The following ETV6 variants were observed in gnomAD, a reference collection of about 807,000 sequenced individuals.
ETV6 encodes transcription factor ETV6.
A neutral mutation model predicts 51.1 loss-of-function variants in ETV6; 16 were observed. The observed-to-expected ratio is 0.31, with a 90% CI of 0.21 to 0.48. ETV6 has a LOEUF of 0.48. Ranked by LOEUF, ETV6 falls within the 20% of genes least tolerant of loss-of-function variation. ETV6 has a pLI of 0.99. For missense variants in ETV6, 458 were observed against 594.8 expected (o/e 0.77, Z 2.39); for synonymous variants, 240 against 224.1 (o/e 1.07, Z -0.64).
At chr12:11,661,688 T>C (rs1031949974) in intron 1 of ETV6, among the ~76,000 whole-genome samples, 2 of 152,268 alleles carry the variant, frequency 1.3e-5, no homozygotes, top group Admixed American at 1.3e-4. Flanking sequence ...CTGCTGACGC[T>C]GATACTTTCG....
rs990872218 is a variant in ETV6, at chr12:11,839,970, CAA to C, written c.328+668_328+669del. ...AGGCTGTGAACTGCTCAACCGAAAA[CAA>C]AGAGAGGAAGGAGAAGGACGTAGAA... On this transcript the variant is annotated intron_variant, in intron 3 of 7. Transcript: ENST00000396373. Among the ~76,000 whole-genome samples the C allele has an allele frequency of 1.4e-4, 22 of 152,104 alleles. No homozygotes were observed. The East Asian group carries it at 1.5e-3, about 11-fold the overall frequency.
At chr12:11,655,199 C>T (rs79599250) in intron 1 of ETV6, among the ~76,000 whole-genome samples, 2,986 of 151,978 alleles carry the variant, frequency 0.02, 57 homozygotes, top group Middle Eastern at 0.055. Context: ...GATGAAGCCC[C>T]GTAAGGTGTG....
chr12:11,878,370 C>G (rs1017426601), intron 5 of ETV6, among the ~76,000 whole-genome samples: 1 of 152,130 alleles, frequency 6.6e-6, no homozygotes. Context: ...TGTGTAAGGG[C>G]GCACAGTGCT....
chr12:11,716,703 T>C (rs772647666), intron 1 of ETV6: 1 of 152,242 alleles, frequency 6.6e-6, no homozygotes, highest in Non-Finnish European at 1.5e-5. Context: ...ATCACTCTTT[T>C]CCTTTCCAGC....
intron 1 of ETV6, among the ~76,000 whole-genome samples, chr12:11,699,310 A>C (rs192601497): frequency 7.5e-4 from 114 of 152,346 alleles, no homozygotes; most frequent in African/African-American, 2.6e-3. Flanking sequence ...CAAACTCTTC[A>C]AAATTGGTAG....
chr12:11,870,383 G>A (rs931754062), intron 5 of ETV6, among the ~76,000 whole-genome samples: 1 of 152,102 alleles, frequency 6.6e-6, no homozygotes, highest in South Asian at 2.1e-4. Flanking sequence ...TCCTGTGAGC[G>A]GTAACGCCAT....
chr12:11,800,009 T>G (rs1487667991), intron 2 of ETV6, among the ~76,000 whole-genome samples: 2 of 152,174 alleles, frequency 1.3e-5, no homozygotes, highest in Non-Finnish European at 2.9e-5. Context: ...CTTCACTCAG[T>G]GCTTTTATGG....
chr12:11,863,437 A>G (rs971290059), intron 4 of ETV6, among the ~76,000 whole-genome samples: 1 of 152,188 alleles, frequency 6.6e-6, no homozygotes, highest in African/African-American at 2.4e-5. Context: ...AACCAGAATG[A>G]CGGTTCCCTG....
chr12:11,770,083 A>T (rs1945220122), intron 2 of ETV6, among the ~76,000 whole-genome samples: 1 of 152,156 alleles, frequency 6.6e-6, no homozygotes, highest in Non-Finnish European at 1.5e-5. Context: ...AGTTGCTCAT[A>T]AGTAAGTTTG....
At chr12:11,831,470 C>T (rs189437977) in intron 2 of ETV6, among the ~76,000 whole-genome samples, 417 of 152,320 alleles carry the variant, frequency 2.7e-3, no homozygotes, top group South Asian at 0.011. Flanking sequence ...AGCAATCCAC[C>T]GGCCTTGGCC....
chr12:11,752,624 G>A, intron 2 of ETV6, 45 bp downstream of exon 2: 2 of 1,571,946 alleles, frequency 1.3e-6, no homozygotes, highest in Non-Finnish European at 1.7e-6. Flanking sequence ...GATGGCGTGG[G>A]GCGGGGGTGG....
intron 2 of ETV6, among the ~76,000 whole-genome samples, chr12:11,798,466 T>C (rs1219208249): frequency 6.6e-6 from 1 of 152,024 alleles, no homozygotes; most frequent in Non-Finnish European, 1.5e-5. Context: ...GACTCCACTA[T>C]GGAGAAGCAA....
chr12:11,875,284 G>C (rs1293857317), intron 5 of ETV6, among the ~76,000 whole-genome samples: 1 of 152,210 alleles, frequency 6.6e-6, no homozygotes, highest in East Asian at 1.9e-4. Context: ...ATGGGAGAGA[G>C]TTTAGCACAA....
At chr12:11,713,039 A>G (rs746351790) in intron 1 of ETV6, among the ~76,000 whole-genome samples, 29 of 152,098 alleles carry the variant, frequency 1.9e-4, no homozygotes, top group Non-Finnish European at 4.1e-4. Context: ...GATGGGAGCC[A>G]CACGTGAAGT....
chr12:11,724,382 G>T (rs985504719), intron 1 of ETV6, among the ~76,000 whole-genome samples: 3 of 152,198 alleles, frequency 2.0e-5, no homozygotes, highest in African/African-American at 7.2e-5. Context: ...ACGTGGAGTG[G>T]GCCTGTGCCC....
rs557462525 is a variant in ETV6, at chr12:11,731,670, C to T, written c.34-20780C>T. ...GTATGAAAAAGCCCCACTGCCTTCT[C>T]ATATTGTTTCTTTTATGAACTTAAC... On this transcript the variant is annotated intron_variant, in intron 1 of 7. Transcript: ENST00000396373. 1.6e-4 allele frequency among the ~76,000 whole-genome samples: 25 copies of T among 152,242 alleles called. 1 individual carries two copies. The South Asian group carries it at 4.6e-3, about 28-fold the overall frequency.
chr12:11,814,351 A>T (rs1347827253), intron 2 of ETV6, among the ~76,000 whole-genome samples: 2 of 149,366 alleles, frequency 1.3e-5, no homozygotes, highest in Non-Finnish European at 3.0e-5. Flanking sequence ...AAAACCTTGT[A>T]AAAAAAAATT....
At chr12:11,755,489 G>T (rs1356118034) in intron 2 of ETV6, among the ~76,000 whole-genome samples, 1 of 152,044 alleles carries the variant, frequency 6.6e-6, no homozygotes, top group Non-Finnish European at 1.5e-5. Context: ...CTTGCTGTTT[G>T]CCCTCAGCTG....
intron 1 of ETV6, among the ~76,000 whole-genome samples, chr12:11,733,128 G>A (rs1214878676): frequency 2.0e-5 from 3 of 152,182 alleles, no homozygotes; most frequent in Non-Finnish European, 2.9e-5. Context: ...ACCACTTTGG[G>A]CTGGGCGCAG....
Sources: allele counts gnomAD v4.1 joint callset (sites outside exome capture counted in the v4.1 genomes callset), GRCh38; gene constraint gnomAD v4.1.1; transcripts MANE v1.5; gene names NCBI Gene and HGNC (gene_info 2026-07-23, HGNC 2026-07-21).